Variants in IKZF1 observed in about 807,000 individuals in gnomAD.
IKZF1 encodes DNA-binding protein Ikaros.
In IKZF1, 10 loss-of-function variants were observed where a neutral mutation model predicts 51.7. The ratio of observed to expected loss-of-function variants is 0.19; its 90% CI spans 0.12 to 0.33. IKZF1 has a LOEUF of 0.33. IKZF1 is among the 10% of genes least tolerant of loss of function. The probability of loss-of-function intolerance (pLI) is 1.00; values close to 1 mark genes in which losing one functional copy is unlikely to be tolerated. For missense variants in IKZF1, 484 were observed against 707.5 expected, an observed-to-expected ratio of 0.68 and a Z score of 3.58; for synonymous variants, 280 against 282.3, an observed-to-expected ratio of 0.99 and a Z score of 0.08.
chr7:50,396,000 G>A lies in IKZF1; in HGVS notation c.851-3918G>A, dbSNP rs146595083. Among the ~76,000 whole-genome samples, 496 of 152,192 alleles carry A rather than the reference G, an allele frequency of 3.3e-3. 6 individuals carry two copies. The highest frequency in any genetic ancestry group is 0.011 in the African/African-American group (461 of 41,550). Reference sequence around the variant, plus strand: ...TGCATTTTATTCCTGAATGCCTGAGGGTTCTTTATTTAACCTTGAAGTTAA... The same window carrying A: ...TGCATTTTATTCCTGAATGCCTGAGAGTTCTTTATTTAACCTTGAAGTTAA... On this transcript the variant is annotated intron_variant, in intron 7 of 7. Coordinates refer to ENST00000331340, the MANE Select transcript of IKZF1 (RefSeq NM_006060.6).
At chr7:50,378,562 T>TAAATATA (rs1810961086) in intron 4 of IKZF1, among the ~76,000 whole-genome samples, 1 of 152,246 alleles carries the variant, frequency 6.6e-6, no homozygotes, top group African/African-American at 2.4e-5. Flanking sequence ...AAATATTTGA[T>TAAATATA]AAGTGAATCA....
chr7:50,339,531 A>G (rs1798583122), intron 3 of IKZF1, among the ~76,000 whole-genome samples: 2 of 152,012 alleles, frequency 1.3e-5, no homozygotes, highest in Non-Finnish European at 2.9e-5. Context: ...CAGGCAGATC[A>G]TGAGGTCAGG....
At chr7:50,312,843 G>A (rs1216432679) in intron 1 of IKZF1, among the ~76,000 whole-genome samples, 2 of 152,184 alleles carry the variant, frequency 1.3e-5, no homozygotes, top group South Asian at 2.1e-4. Flanking sequence ...TCAGTTAAAT[G>A]TCGGGGGAGG....
chr7:50,365,033 G>A (rs570115653), intron 3 of IKZF1, among the ~76,000 whole-genome samples: 1 of 152,352 alleles, frequency 6.6e-6, no homozygotes, highest in South Asian at 2.1e-4. Flanking sequence ...ACACTTATGT[G>A]TGTCCCTGTA....
chr7:50,360,738 G>A (rs1018873287), intron 3 of IKZF1, among the ~76,000 whole-genome samples: 4 of 152,198 alleles, frequency 2.6e-5, no homozygotes, highest in Admixed American at 6.5e-5. Flanking sequence ...GCCGAGCTCC[G>A]CAGCCCCATG....
chr7:50,319,707 G>A (rs1792634608), intron 2 of IKZF1, among the ~76,000 whole-genome samples: 1 of 152,214 alleles, frequency 6.6e-6, no homozygotes, highest in African/African-American at 2.4e-5. Context: ...GACATAGGAA[G>A]ACAGCTTTCT....
chr7:50,367,852 A>G, intron 3 of IKZF1: 1 of 598,268 alleles, frequency 1.7e-6, no homozygotes, highest in Non-Finnish European at 3.0e-6. Flanking sequence ...TCTGTTGCCT[A>G]TAGAAGGGCC....
At chr7:50,378,356 C>T (rs1336370456) in intron 4 of IKZF1, among the ~76,000 whole-genome samples, 8 of 152,192 alleles carry the variant, frequency 5.3e-5, no homozygotes, top group Non-Finnish European at 1.5e-5. Flanking sequence ...AGCAAGCGTG[C>T]ATGAGAGTAG....
intron 3 of IKZF1, among the ~76,000 whole-genome samples, chr7:50,350,998 T>G (rs1357957317): frequency 2.0e-5 from 3 of 152,230 alleles, no homozygotes; most frequent in South Asian, 2.1e-4. Flanking sequence ...CAAAAGAGGT[T>G]TATATTTTAA....
intron 3 of IKZF1, chr7:50,328,510 A>T (rs1795643687): frequency 6.6e-6 from 1 of 152,214 alleles, no homozygotes; most frequent in African/African-American, 2.4e-5. Flanking sequence ...TAATGAGTCA[A>T]CAGTTCCCTG....
chr7:50,396,894 T>C (rs1325911227), intron 7 of IKZF1, among the ~76,000 whole-genome samples: 1 of 152,248 alleles, frequency 6.6e-6, no homozygotes, highest in East Asian at 1.9e-4. Context: ...CAGGAGATTC[T>C]CTGGGGCTTT....
chr7:50,318,229 C>T (rs149785519), intron 1 of IKZF1, among the ~76,000 whole-genome samples: 156 of 152,162 alleles, frequency 1.0e-3, no homozygotes, highest in African/African-American at 2.9e-3. Context: ...GTTTGTGGCT[C>T]GTAGTACACT....
At position 50,387,486 on chromosome 7, in the gene IKZF1, C is replaced by A; in HGVS notation, c.715+16C>A. On this transcript the variant is annotated intron_variant, in intron 6 of 7. Coordinates refer to ENST00000331340, the MANE Select transcript of IKZF1 (RefSeq NM_006060.6). ...CTGTACCCAGGTAAGCGCTGCTGCT[C>A]GGAGGCCAGCCTGGTGGGCTCTCCC... is the stretch of plus-strand genomic sequence containing the variant. 1.3e-6 allele frequency: 2 copies of A among 1,599,808 alleles called. No homozygotes were observed. Among genetic ancestry groups the A allele is most frequent in the Non-Finnish European group, 1.7e-6 (2 of 1,173,822 alleles).
chr7:50,400,764 T>G lies in IKZF1; in HGVS notation c.*137T>G. 8.3e-7 allele frequency: 1 copy of G among 1,198,826 alleles called. No homozygotes were observed. The highest frequency in any genetic ancestry group is 1.1e-6 in the Non-Finnish European group (1 of 873,748). 74.3% of individuals were successfully genotyped at this position (1,198,826 alleles called of 1,614,324 possible). ...TGTTTGGATTTGTAACTGTTTTTTG[T>G]TTTTTGTTTGAGTTGGTTGATTGGG... On this transcript the variant is annotated 3_prime_UTR_variant, in exon 8 of 8. Transcript: ENST00000331340. The surrounding 1 kb of genome is among the most constrained non-coding windows in gnomAD (Gnocchi z 5.4).
rs1226271739 is a variant in IKZF1 at position 50,403,820 on chromosome 7, CTTGTT to C, written c.*3207_*3211del. The C allele has an allele frequency of 1.3e-5, 3 of 224,226 alleles. No individual in the cohort carries two copies. Among genetic ancestry groups the C allele is most frequent in the Non-Finnish European group, 2.7e-5 (3 of 112,032 alleles). 13.9% of individuals were successfully genotyped at this position (224,226 alleles called of 1,614,324 possible). On this transcript the variant is annotated 3_prime_UTR_variant, in exon 8 of 8. Coordinates refer to ENST00000331340, the MANE Select transcript of IKZF1 (RefSeq NM_006060.6). ...CCACCGACCATTTTTGTGCTTTTTT[CTTGTT>C]TTGTTTTGTTTTGACTGCACTGTGA... is the stretch of plus-strand genomic sequence containing the variant.
intron 1 of IKZF1, among the ~76,000 whole-genome samples, chr7:50,309,422 C>G (rs1449078494): frequency 6.6e-6 from 1 of 152,140 alleles, no homozygotes; most frequent in African/African-American, 2.4e-5. Context: ...CTGTCATTCC[C>G]TTCCCTCCAT....
At chr7:50,338,025 G>A (rs948894938) in intron 3 of IKZF1, among the ~76,000 whole-genome samples, 67 of 152,186 alleles carry the variant, frequency 4.4e-4, no homozygotes, top group African/African-American at 1.5e-3. Context: ...GCAATCTTTG[G>A]CAGATTTGTT....
chr7:50,305,834 A>G (rs1788641915), intron 1 of IKZF1, among the ~76,000 whole-genome samples: 1 of 152,232 alleles, frequency 6.6e-6, no homozygotes, highest in South Asian at 2.1e-4. Flanking sequence ...ATTTGAAAAT[A>G]CTGCGTATGA....
intron 3 of IKZF1, among the ~76,000 whole-genome samples, chr7:50,340,638 T>C (rs1415189554): frequency 6.6e-6 from 1 of 152,244 alleles, no homozygotes; most frequent in African/African-American, 2.4e-5. Context: ...TGGCAGAATT[T>C]TGACTGCTTT....
Sources: allele counts gnomAD v4.1 joint callset (sites outside exome capture counted in the v4.1 genomes callset), GRCh38; gene constraint gnomAD v4.1.1; non-coding constraint Gnocchi (gnomAD v3.1); transcripts MANE v1.5; gene names NCBI Gene and HGNC (gene_info 2026-07-23, HGNC 2026-07-21).